MYO1E: variants seen among roughly 807,000 people sequenced by gnomAD.
MYO1E encodes myosin IE.
MYO1E carries 68 observed loss-of-function variants against 151.1 expected under a neutral mutation model. The observed-to-expected ratio is 0.45, with a 90% confidence interval of 0.37 to 0.55. The LOEUF (loss-of-function observed/expected upper bound fraction) is 0.55. Among genes scored for constraint, MYO1E ranks in the 20% least tolerant of loss-of-function variants. The pLI, the probability that MYO1E is intolerant of heterozygous loss-of-function variation, is 0.00. For synonymous variants in MYO1E, 601 were observed against 501.7 expected (o/e 1.20, Z -2.64); for missense variants, 1,363 against 1,389.3 (o/e 0.98, Z 0.30).
rs143997359 is a variant in MYO1E, at chr15:59,169,102, AG to A, written c.2480+2794del. ...TACTGAATGGTTGGTTGGTTTGAAT[AG>A]GGAGCTGTAGGCCCACTGTGCACTG... On this transcript the variant is annotated intron_variant, in intron 22 of 27. Coordinates refer to ENST00000288235, the MANE Select transcript of MYO1E (RefSeq NM_004998.4). 6.7e-3 allele frequency among the ~76,000 whole-genome samples: 1,014 copies of A among 152,352 alleles called. 11 individuals carry two copies. The highest frequency in any genetic ancestry group is 0.023 in the African/African-American group (949 of 41,580).
chr15:59,336,306 G>A (rs541143548), intron 1 of MYO1E, among the ~76,000 whole-genome samples: 26 of 151,770 alleles, frequency 1.7e-4, no homozygotes, highest in African/African-American at 6.3e-4. Flanking sequence ...GGAGATGGAG[G>A]TTGCAGTGAG....
At chr15:59,173,696 A>G (rs2079608401) in intron 21 of MYO1E, 50 bp downstream of exon 21, 1 of 1,602,304 alleles carries the variant, frequency 6.2e-7, no homozygotes, top group African/African-American at 1.3e-5. Context: ...AGTTATTAAA[A>G]AAATAAGGAA....
intron 18 of MYO1E, among the ~76,000 whole-genome samples, chr15:59,183,915 A>G (rs1440271419): frequency 1.3e-5 from 2 of 152,096 alleles, no homozygotes; most frequent in African/African-American, 4.8e-5. Context: ...AGCTCCCACA[A>G]ATAAGTGAGA....
In MYO1E at chr15:59,134,134, T is replaced by A. The variant is rs1484463359; in HGVS notation, c.*3246A>T. The A allele has an allele frequency of 6.6e-6, 1 of 152,276 alleles. No homozygotes were observed. The highest frequency in any genetic ancestry group is 2.4e-5 in the African/African-American group (1 of 41,434). 9.4% of individuals were successfully genotyped at this position (152,276 alleles called of 1,614,324 possible). ...TAAGCTCTGGCCAGCAGAATATTGG[T>A]GGACATGGTGTGCACACAGGGCAGG... On this transcript the variant is annotated 3_prime_UTR_variant, in exon 28 of 28. Coordinates refer to ENST00000288235, the MANE Select transcript of MYO1E (RefSeq NM_004998.4).
intron 17 of MYO1E, among the ~76,000 whole-genome samples, chr15:59,191,202 TC>T (rs773046177): frequency 6.8e-4 from 104 of 151,996 alleles, no homozygotes; most frequent in Non-Finnish European, 1.3e-3. Flanking sequence ...ACGCTTGTAA[TC>T]CCAGCACTTT....
At chr15:59,362,614 A>T (rs750287457) in intron 1 of MYO1E, among the ~76,000 whole-genome samples, 1 of 152,246 alleles carries the variant, frequency 6.6e-6, no homozygotes, top group Non-Finnish European at 1.5e-5. Flanking sequence ...CTTTACTTAC[A>T]TTCTTAAAAT....
rs1215926304 is a variant in MYO1E, at chr15:59,207,750, T to A, written c.1530+931A>T. On this transcript the variant is annotated intron_variant, in intron 14 of 27. Coordinates refer to ENST00000288235, the MANE Select transcript of MYO1E (RefSeq NM_004998.4). ...ATCTGAACTCTGATATAGGAACTGA[T>A]AAAGATCCTGAGCAATGGAAAAATG... The A allele has an allele frequency of 5.6e-6, 9 of 1,614,146 alleles. No individual in the cohort carries two copies. The East Asian group carries it at 2.0e-4, about 36-fold the overall frequency.
At chr15:59,265,202 G>T (rs1311369588) in intron 2 of MYO1E, among the ~76,000 whole-genome samples, 1 of 152,052 alleles carries the variant, frequency 6.6e-6, no homozygotes, top group East Asian at 1.9e-4. Context: ...CATGGAGGAG[G>T]GTACTTGTTC....
intron 1 of MYO1E, among the ~76,000 whole-genome samples, chr15:59,273,356 A>G (rs1380353007): frequency 5.5e-5 from 8 of 145,868 alleles, no homozygotes; most frequent in Non-Finnish European, 1.2e-4. Flanking sequence ...TTAAAGTCCT[A>G]TGAAGACACC....
intron 5 of MYO1E, among the ~76,000 whole-genome samples, chr15:59,233,661 TAAAAAAAAA>T (rs11285934): frequency 1.3e-5 from 1 of 78,376 alleles, no homozygotes; most frequent in South Asian, 5.7e-4. Flanking sequence ...AGACTCCGTC[TAAAAAAAAA>T]AAAAAAAAAA....
At chr15:59,311,752 C>A (rs1305283277) in intron 1 of MYO1E, among the ~76,000 whole-genome samples, 2 of 152,136 alleles carry the variant, frequency 1.3e-5, no homozygotes, top group Non-Finnish European at 2.9e-5. Flanking sequence ...AAAGGGGGAA[C>A]CTTTAAGAAG....
At chr15:59,256,681 C>T (rs1190973910) in intron 3 of MYO1E, among the ~76,000 whole-genome samples, 1 of 152,142 alleles carries the variant, frequency 6.6e-6, no homozygotes, top group Non-Finnish European at 1.5e-5. Context: ...CACTCCAACA[C>T]CCCACCCTTC....
intron 4 of MYO1E, among the ~76,000 whole-genome samples, chr15:59,241,173 AC>A (rs2080097498): frequency 6.6e-6 from 1 of 152,204 alleles, no homozygotes; most frequent in African/African-American, 2.4e-5. Context: ...CCTGAGCCAT[AC>A]ATAAGAGGCA....
intron 4 of MYO1E, among the ~76,000 whole-genome samples, chr15:59,237,419 T>C (rs1157684747): frequency 6.6e-6 from 1 of 152,214 alleles, no homozygotes; most frequent in African/African-American, 2.4e-5. Context: ...TTGTTAATAA[T>C]ATATAGTCTG....
At chr15:59,323,336 G>A (rs888404534) in intron 1 of MYO1E, among the ~76,000 whole-genome samples, 2 of 151,762 alleles carry the variant, frequency 1.3e-5, no homozygotes, top group African/African-American at 2.4e-5. Context: ...TTCAACAAGG[G>A]AATTGACATT....
intron 1 of MYO1E, among the ~76,000 whole-genome samples, chr15:59,323,893 G>A (rs1301365173): frequency 1.3e-5 from 2 of 151,904 alleles, no homozygotes; most frequent in African/African-American, 2.4e-5. Context: ...CTTGCGGGAT[G>A]TGTGTTCTGA....
At chr15:59,310,229 A>G (rs564728116) in intron 1 of MYO1E, among the ~76,000 whole-genome samples, 34 of 152,160 alleles carry the variant, frequency 2.2e-4, no homozygotes, top group African/African-American at 7.7e-4. Context: ...CAGCAAACCC[A>G]CTGCCCCCTT....
chr15:59,204,444 TAGAG>T (rs1566977788), intron 15 of MYO1E, among the ~76,000 whole-genome samples: 1 of 152,070 alleles, frequency 6.6e-6, no homozygotes, highest in Non-Finnish European at 1.5e-5. Context: ...GCTTAACTAA[TAGAG>T]AGCAAAAGGG....
intron 1 of MYO1E, among the ~76,000 whole-genome samples, chr15:59,305,360 A>T (rs1414230918): frequency 6.6e-6 from 1 of 151,870 alleles, no homozygotes; most frequent in African/African-American, 2.4e-5. Flanking sequence ...TGCCCGGCTA[A>T]TTTTTTGTAT....
Sources: gnomAD v4.1 joint callset for allele counts (sites outside exome capture counted in the v4.1 genomes callset) on GRCh38, gnomAD v4.1.1 for gene constraint, MANE v1.5 for transcripts, NCBI Gene and HGNC (gene_info 2026-07-23, HGNC 2026-07-21) for gene names.